The following DPYS variants were observed in gnomAD, a reference collection of about 807,000 sequenced individuals.
The protein encoded by DPYS is dihydropyrimidinase, also known as dihydropyrimidine amidohydrolase.
A neutral mutation model predicts 50.3 loss-of-function variants in DPYS; 39 were observed. The ratio of observed to expected loss-of-function variants is 0.78; its 90% CI spans 0.60 to 1.01. DPYS has a LOEUF of 1.01. Among genes scored for constraint, DPYS ranks in the 50% least tolerant of loss-of-function variants. The pLI is 0.00. For missense variants in DPYS, 659 were observed against 680.9 expected (o/e 0.97, Z 0.36); for synonymous variants, 245 against 250.7 (o/e 0.98, Z 0.22).
rs536966762 is a variant in DPYS at position 104,440,196 on chromosome 8, G to A, written c.793+4052C>T. Among the ~76,000 whole-genome samples the A allele has an allele frequency of 5.3e-4, 80 of 152,198 alleles. 1 individual carries two copies. Among genetic ancestry groups the A allele is most frequent in the African/African-American group, 1.7e-3 (72 of 41,518 alleles). ...TGTTAGTTGTTATCATTACTATCCC[G>A]CTCTTCTGGATATAGAGCTGGCAAT... On this transcript the variant is annotated intron_variant, in intron 4 of 9. Coordinates refer to ENST00000351513, the MANE Select transcript of DPYS (RefSeq NM_001385.3).
intron 7 of DPYS, among the ~76,000 whole-genome samples, chr8:104,396,580 T>C (rs914414159): frequency 6.6e-6 from 1 of 152,136 alleles, no homozygotes. Flanking sequence ...CTGACAATTA[T>C]GTAATATCAA....
At chr8:104,442,748 A>G (rs900310021) in intron 4 of DPYS, among the ~76,000 whole-genome samples, 9 of 152,234 alleles carry the variant, frequency 5.9e-5, no homozygotes, top group Admixed American at 3.9e-4. Context: ...AATTTTGACA[A>G]AATTTGTTTT....
rs1814424286 is a variant in DPYS, at chr8:104,466,783, A to G, written c.138T>C (p.Pro46=). Reference sequence around the variant, plus strand: ...CGGCGTCGAGGACCCGCAGCCCCGCAGGAGCGCCCCCGGGAGGCAGCAGGT... The same window carrying G: ...CGGCGTCGAGGACCCGCAGCCCCGCGGGAGCGCCCCCGGGAGGCAGCAGGT... ...GHDLLPPGGA[P]AGLRVLDAAG... is the part of the protein sequence containing the mutation. Residue 46 remains proline, a synonymous_variant, in exon 1 of 10, where the codon CCT becomes CCC. Transcript: ENST00000351513. 33 of 1,534,120 alleles carry G rather than the reference A, an allele frequency of 2.2e-5. No individual in the cohort carries two copies. Among genetic ancestry groups the G allele is most frequent in the Non-Finnish European group, 2.9e-5 (33 of 1,145,804 alleles).
intron 7 of DPYS, among the ~76,000 whole-genome samples, chr8:104,393,762 G>A (rs769775697): frequency 1.3e-5 from 2 of 152,126 alleles, no homozygotes; most frequent in African/African-American, 4.8e-5. Flanking sequence ...AAAAAATCTG[G>A]CAGCAGTGAC....
intron 4 of DPYS, among the ~76,000 whole-genome samples, chr8:104,438,948 A>G (rs1251267018): frequency 6.6e-6 from 1 of 152,118 alleles, no homozygotes; most frequent in Non-Finnish European, 1.5e-5. Flanking sequence ...GCATGCCTAT[A>G]GTCCCAGCCA....
At chr8:104,392,236 C>G (rs1811410733) in intron 8 of DPYS, among the ~76,000 whole-genome samples, 1 of 152,192 alleles carries the variant, frequency 6.6e-6, no homozygotes, top group Non-Finnish European at 1.5e-5. Context: ...TGGCTCTCAG[C>G]CAATGACTGG....
intron 8 of DPYS, 31 bp downstream of exon 8, chr8:104,392,753 T>C: frequency 6.2e-7 from 1 of 1,613,110 alleles, no homozygotes; most frequent in Non-Finnish European, 8.5e-7. Context: ...ACAGTCCGAC[T>C]TGTGGCAGTA....
chr8:104,384,964 T>C (rs1057384517), intron 8 of DPYS, among the ~76,000 whole-genome samples: 3 of 152,186 alleles, frequency 2.0e-5, no homozygotes, highest in African/African-American at 7.2e-5. Flanking sequence ...TGAAGGTTGG[T>C]GGGCCCAGAG....
chr8:104,427,282 A>T (rs1194929120), intron 6 of DPYS, among the ~76,000 whole-genome samples: 1 of 142,054 alleles, frequency 7.0e-6, no homozygotes. Flanking sequence ...CGCTTCGTGT[A>T]TTTTTTTTTT....
intron 7 of DPYS, among the ~76,000 whole-genome samples, chr8:104,401,303 TTA>T (rs1811801141): frequency 6.7e-6 from 1 of 149,438 alleles, no homozygotes; most frequent in African/African-American, 2.5e-5. Context: ...ATTATTATTA[TTA>T]TTATTATTAT....
chr8:104,463,712 T>C (rs1205188955), intron 1 of DPYS, among the ~76,000 whole-genome samples: 5 of 152,186 alleles, frequency 3.3e-5, no homozygotes, highest in African/African-American at 1.2e-4. Flanking sequence ...CTTAAAGGTA[T>C]AATAGGAAGA....
chr8:104,451,269 C>T lies in DPYS; in HGVS notation c.400G>A (p.Ala134Thr). Residue 134 changes from alanine to threonine, a missense_variant, in exon 2 of 10, where the codon GCA becomes ACA. Ala to Thr is a moderately conservative substitution (Grantham distance 58). Transcript: ENST00000351513. ...KVCCDYSLHVAVTWWSDQVKE... is the reference protein window; with the variant it reads ...KVCCDYSLHVTVTWWSDQVKE... ...ACCTGGTCACTCCACCACGTCACTGCCACATGAAGGCTGTAGTCGCAGCAA... is the reference window on the plus strand; with the variant it reads ...ACCTGGTCACTCCACCACGTCACTGTCACATGAAGGCTGTAGTCGCAGCAA... 3 of 1,614,068 alleles carry T rather than the reference C, an allele frequency of 1.9e-6. No individual in the cohort carries two copies. Among genetic ancestry groups the T allele is most frequent in the Non-Finnish European group, 2.5e-6 (3 of 1,180,024 alleles).
chr8:104,410,052 A>G (rs537811490), intron 7 of DPYS, among the ~76,000 whole-genome samples: 1 of 152,208 alleles, frequency 6.6e-6, no homozygotes, highest in African/African-American at 2.4e-5. Flanking sequence ...TTTTCACTCA[A>G]CTTTGAGTAC....
intron 4 of DPYS, among the ~76,000 whole-genome samples, chr8:104,433,534 T>C (rs375550658): frequency 9.8e-4 from 149 of 152,218 alleles, no homozygotes; most frequent in African/African-American, 3.5e-3. Flanking sequence ...CTTGGGAGGC[T>C]GAGGCATGAG....
chr8:104,462,616 C>T (rs541262419), intron 1 of DPYS, among the ~76,000 whole-genome samples: 4 of 152,160 alleles, frequency 2.6e-5, no homozygotes, highest in Admixed American at 6.5e-5. Flanking sequence ...CTGACACTAC[C>T]GGGTTTTCAG....
chr8:104,430,090 C>T (rs1588438290), intron 4 of DPYS, among the ~76,000 whole-genome samples: 1 of 152,000 alleles, frequency 6.6e-6, no homozygotes, highest in Non-Finnish European at 1.5e-5. Flanking sequence ...ACATTACATA[C>T]AGTCTATGTG....
chr8:104,391,259 T>G (rs529090794), intron 8 of DPYS, among the ~76,000 whole-genome samples: 7 of 151,162 alleles, frequency 4.6e-5, no homozygotes, highest in African/African-American at 1.7e-4. Flanking sequence ...TCCAAATGAA[T>G]TGAATCAAAA....
intron 7 of DPYS, among the ~76,000 whole-genome samples, chr8:104,409,352 G>A (rs1812099038): frequency 6.6e-6 from 1 of 151,922 alleles, no homozygotes; most frequent in Non-Finnish European, 1.5e-5. Context: ...GGGCGTGGTG[G>A]TGCACGCCTG....
At chr8:104,413,021 A>C (rs1332616168) in intron 7 of DPYS, among the ~76,000 whole-genome samples, 2 of 152,220 alleles carry the variant, frequency 1.3e-5, no homozygotes, top group East Asian at 1.9e-4. Context: ...TATTGAGAAA[A>C]TGTGAGAGCA....
Sources: gnomAD v4.1 joint callset for allele counts (sites outside exome capture counted in the v4.1 genomes callset) on GRCh38, gnomAD v4.1.1 for gene constraint, MANE v1.5 for transcripts, NCBI Gene and HGNC (gene_info 2026-07-23, HGNC 2026-07-21) for gene names.